RCC1L: variants seen among roughly 807,000 people sequenced by gnomAD.
RCC1L encodes the protein RCC1 like.
RCC1L carries 46 observed loss-of-function variants against 58.6 expected under a neutral mutation model. That is an observed-to-expected ratio of 0.79 (90% CI 0.62 to 1.00). The LOEUF (loss-of-function observed/expected upper bound fraction) is 1.00. Ranked by LOEUF, RCC1L falls within the 50% of genes least tolerant of loss-of-function variation. The probability of loss-of-function intolerance (pLI) is 0.00; values close to 1 mark genes in which losing one functional copy is unlikely to be tolerated. For synonymous variants in RCC1L, 281 were observed against 262.9 expected, an observed-to-expected ratio of 1.07 and a Z score of -0.67; for missense variants, 636 against 623.6, an observed-to-expected ratio of 1.02 and a Z score of -0.21.
chr7:75,040,887 C>T (rs1805539839), downstream of RCC1L, among the ~76,000 whole-genome samples: 1 of 152,170 alleles, frequency 6.6e-6, no homozygotes. Flanking sequence ...CAGGTCACAG[C>T]AAGGACACTG....
At chr7:75,058,445 G>A in intron 7 of RCC1L, 143 bp downstream of exon 7, 1 of 1,059,010 alleles carries the variant, frequency 9.4e-7, no homozygotes, top group South Asian at 1.5e-5. Context: ...TGCCCAGGCT[G>A]GTCCTGAACT....
downstream of RCC1L, among the ~76,000 whole-genome samples, chr7:75,037,843 G>T (rs1009387593): frequency 1.3e-5 from 2 of 152,168 alleles, no homozygotes; most frequent in South Asian, 2.1e-4. Context: ...CACAGAGGAT[G>T]CACCTCATGG....
chr7:75,033,788 T>C (rs1364549459), intron 10 of RCC1L, among the ~76,000 whole-genome samples: 4 of 150,726 alleles, frequency 2.7e-5, no homozygotes, highest in Non-Finnish European at 5.9e-5. Context: ...AGCCCAGGAG[T>C]TGGAGGCTCC....
chr7:75,055,733 A>G, intron 9 of RCC1L, 168 bp downstream of exon 9: 1 of 764,158 alleles, frequency 1.3e-6, no homozygotes, highest in Non-Finnish European at 2.2e-6. Flanking sequence ...GACATTATAC[A>G]ACCTCGAGGC....
At chr7:75,058,915 G>A (rs1453120931) in intron 6 of RCC1L, 146 bp from the exon 7 acceptor site, 5 of 921,780 alleles carry the variant, frequency 5.4e-6, no homozygotes, top group East Asian at 2.8e-5. Flanking sequence ...AGTGGCTCAC[G>A]CCTGTAATCC....
intron 1 of RCC1L, among the ~76,000 whole-genome samples, chr7:75,071,136 G>A (rs587740107): frequency 5.6e-4 from 85 of 152,238 alleles, no homozygotes; most frequent in African/African-American, 1.9e-3. Context: ...GACTATATGC[G>A]TCAGCCACCG....
chr7:75,047,647 T>A (rs868960202), intron 10 of RCC1L, among the ~76,000 whole-genome samples: 117,371 of 146,720 alleles, frequency 0.8, 45,615 homozygotes, highest in East Asian at 0.89. Context: ...TAAATAAAAT[T>A]ATATATATAT....
chr7:75,061,521 C>T (rs1806279373), intron 5 of RCC1L, among the ~76,000 whole-genome samples: 1 of 152,138 alleles, frequency 6.6e-6, no homozygotes. Context: ...AATCCAAGAG[C>T]TCTGCCATCC....
intron 6 of RCC1L, 27 bp downstream of exon 6, chr7:75,061,180 G>A (rs1408860594): frequency 2.5e-6 from 4 of 1,595,646 alleles, no homozygotes; most frequent in Non-Finnish European, 3.4e-6. Flanking sequence ...GAAGTTTCAC[G>A]ACCCCAGTGC....
At chr7:75,040,679 G>A (rs1045364562), downstream of RCC1L, among the ~76,000 whole-genome samples, 3 of 152,036 alleles carry the variant, frequency 2.0e-5, no homozygotes, top group East Asian at 1.9e-4. Flanking sequence ...CACTGAGGTC[G>A]GATTACCCTG....
At chr7:75,073,203 C>A (rs1018474823) in intron 1 of RCC1L, among the ~76,000 whole-genome samples, 10 of 152,226 alleles carry the variant, frequency 6.6e-5, no homozygotes, top group African/African-American at 2.2e-4. Flanking sequence ...AATGACACGA[C>A]CCGGCACAAC....
intron 9 of RCC1L, among the ~76,000 whole-genome samples, chr7:75,053,348 G>A (rs1405079250): frequency 3.9e-5 from 6 of 152,208 alleles, no homozygotes; most frequent in East Asian, 1.9e-4. Flanking sequence ...CTTGTGCCCC[G>A]CCCACAATCG....
Position 75,042,882 on chromosome 7 carries a change from C to T in RCC1L, c.*150G>A, listed in dbSNP as rs894853318. ...TGCCCTGATCCTCCTGGTAGGTACCCGCTAAGGGATTCAGGACAGAGCGTC... is the reference window on the plus strand; with the variant it reads ...TGCCCTGATCCTCCTGGTAGGTACCTGCTAAGGGATTCAGGACAGAGCGTC... On this transcript the variant is annotated 3_prime_UTR_variant, in exon 11 of 11. Transcript: ENST00000610322. 1.1e-4 allele frequency: 159 copies of T among 1,485,144 alleles called. No individual in the cohort carries two copies. The African/African-American group carries it at 1.8e-3, about 17-fold the overall frequency. The allele number at this position is 1,485,144 out of a possible 1,614,324, so 92.0% of individuals were successfully genotyped here.
At chr7:75,031,455 T>G (rs1805302410) in intron 10 of RCC1L, among the ~76,000 whole-genome samples, 1 of 151,968 alleles carries the variant, frequency 6.6e-6, no homozygotes, top group East Asian at 1.9e-4. Flanking sequence ...AGAAAAAAAA[T>G]TACCTAATGT....
At chr7:75,071,236 C>T (rs1310157346) in intron 1 of RCC1L, among the ~76,000 whole-genome samples, 2 of 152,136 alleles carry the variant, frequency 1.3e-5, no homozygotes, top group African/African-American at 4.8e-5. Context: ...CTCATTTAAT[C>T]TTTATAATCA....
chr7:75,071,133 T>C (rs1021217413), intron 1 of RCC1L, among the ~76,000 whole-genome samples: 7 of 152,166 alleles, frequency 4.6e-5, no homozygotes, highest in African/African-American at 1.4e-4. Flanking sequence ...TGGGACTATA[T>C]GCGTCAGCCA....
rs1584499994 is a variant in RCC1L at position 75,061,348 on chromosome 7, C to T, written c.703-57G>A. On this transcript the variant is annotated intron_variant, in intron 5 of 10. Transcript: ENST00000610322. ...AGGAAATACTTAGAACCCTGGTGTC[C>T]TCATCCAAAGAAGGACCAGCACCAT... 5.3e-6 allele frequency: 8 copies of T among 1,509,368 alleles called. No homozygotes were observed. The East Asian group carries it at 1.6e-4, about 30-fold the overall frequency. 93.5% of individuals were successfully genotyped at this position (1,509,368 alleles called of 1,614,324 possible).
In RCC1L at chr7:75,057,613, T is replaced by G; in HGVS notation, c.973A>C (p.Asn325His). 6.2e-7 allele frequency: 1 copy of G among 1,613,884 alleles called. No homozygotes were observed. Among genetic ancestry groups the G allele is most frequent in the Non-Finnish European group, 8.5e-7 (1 of 1,179,822 alleles). Residue 325 changes from asparagine to histidine, a missense_variant, in exon 8 of 11, where the codon AAT (asparagine) becomes CAT (histidine). Transcript: ENST00000610322. ...LASVTDSTQVNVPRCLHFSGV... is the reference protein window; with the variant it reads ...LASVTDSTQVHVPRCLHFSGV... ...GAGAAGTGTAAGCAGCGGGGCACATTCACCTGAACCAAAGAAAGGAGCCAC... is the reference window on the plus strand; with the variant it reads ...GAGAAGTGTAAGCAGCGGGGCACATGCACCTGAACCAAAGAAAGGAGCCAC...
downstream of RCC1L, among the ~76,000 whole-genome samples, chr7:75,038,408 T>C (rs1316432263): frequency 1.3e-5 from 2 of 152,026 alleles, no homozygotes; most frequent in Non-Finnish European, 2.9e-5. Flanking sequence ...CACGCCACCA[T>C]GCACGGTTAA....
Sources: gnomAD v4.1 joint callset for allele counts (sites outside exome capture counted in the v4.1 genomes callset) on GRCh38, gnomAD v4.1.1 for gene constraint, MANE v1.5 for transcripts, NCBI Gene and HGNC (gene_info 2026-07-23, HGNC 2026-07-21) for gene names.